The following FAM228B variants were observed in gnomAD, a reference collection of about 807,000 sequenced individuals.
FAM228B encodes protein FAM228B.
In FAM228B, 38 loss-of-function variants were observed where a neutral mutation model predicts 42.6. The ratio of observed to expected loss-of-function variants is 0.89; its 90% CI spans 0.69 to 1.17. The LOEUF (loss-of-function observed/expected upper bound fraction) is 1.17, where lower values mean the gene tolerates loss of function less well. Among genes scored for constraint, FAM228B ranks in the 50% most tolerant of loss-of-function variants. FAM228B has a pLI of 0.00. For synonymous variants in FAM228B, 109 were observed against 122.3 expected (o/e 0.89, Z 0.72); for missense variants, 344 against 367.3 (o/e 0.94, Z 0.52).
chr2:24,165,902 C>T (rs987232153), intron 9 of FAM228B: 1 of 160,320 alleles, frequency 6.2e-6, no homozygotes, highest in Admixed American at 6.0e-5. Flanking sequence ...GTTAGCCGGG[C>T]ATGGTGATGG....
intron 2 of FAM228B, among the ~76,000 whole-genome samples, chr2:24,093,059 G>A (rs1665423879): frequency 6.6e-6 from 1 of 152,088 alleles, no homozygotes; most frequent in Non-Finnish European, 1.5e-5. Flanking sequence ...CCAGGTGGTA[G>A]TCTGCACACA....
Position 24,169,341 on chromosome 2 carries a change from TG to T in FAM228B, c.*15-14del, listed in dbSNP as rs1396586914. Reference sequence around the variant, plus strand: ...CATACCACACTCAACTCTTCCCTTTTGTCACCTTCAAAAGGTTTCAGCAACC... The same window carrying T: ...CATACCACACTCAACTCTTCCCTTTTTCACCTTCAAAAGGTTTCAGCAACC... On this transcript the variant is annotated splice_polypyrimidine_tract_variant and intron_variant, in intron 10 of 10. Transcript: ENST00000615575. This position sits in a 1 kb window ranked among gnomAD's most constrained non-coding sequence, Gnocchi z 4.2. 6.4e-6 allele frequency: 3 copies of T among 467,196 alleles called. No individual in the cohort carries two copies. Among genetic ancestry groups the T allele is most frequent in the Non-Finnish European group, 1.3e-5 (3 of 223,864 alleles). The allele number at this position is 467,196 out of a possible 1,614,324, so 28.9% of individuals were successfully genotyped here. A position where few individuals can be genotyped will look rare whatever the true frequency, so the allele number is the denominator to read the frequency against.
At chr2:24,114,504 G>A (rs1665854927) in intron 3 of FAM228B, among the ~76,000 whole-genome samples, 1 of 152,162 alleles carries the variant, frequency 6.6e-6, no homozygotes, top group South Asian at 2.1e-4. Context: ...GGCCTGTGTA[G>A]AACCCTGTAG....
intron 2 of FAM228B, among the ~76,000 whole-genome samples, chr2:24,134,730 C>T (rs1428959008): frequency 2.0e-5 from 3 of 152,186 alleles, no homozygotes; most frequent in Admixed American, 6.5e-5. Context: ...GCAGGCAGAT[C>T]ACTTGAGGCC....
intron 1 of FAM228B, chr2:24,079,418 A>G (rs762277394): frequency 5.0e-6 from 8 of 1,610,696 alleles, no homozygotes; most frequent in Non-Finnish European, 6.8e-6. Context: ...GTTAAATCAC[A>G]TGTTTTCTTT....
intron 7 of FAM228B, among the ~76,000 whole-genome samples, chr2:24,153,051 G>A (rs1667058828): frequency 6.6e-6 from 1 of 152,166 alleles, no homozygotes; most frequent in Non-Finnish European, 1.5e-5. Flanking sequence ...TTCAGCTTGT[G>A]GTGAATGCTG....
intron 2 of FAM228B, chr2:24,087,272 G>A (rs1462763696): frequency 1.3e-5 from 2 of 151,934 alleles, no homozygotes; most frequent in African/African-American, 4.8e-5. Flanking sequence ...CTAGATATAC[G>A]GTCTTGCTAC....
intron 8 of FAM228B, among the ~76,000 whole-genome samples, chr2:24,163,520 A>G (rs1667330707): frequency 6.6e-6 from 1 of 152,218 alleles, no homozygotes. Flanking sequence ...AGACAAAATG[A>G]TTGATTGAAA....
chr2:24,157,688 A>G (rs1361833624), intron 7 of FAM228B, among the ~76,000 whole-genome samples: 1 of 151,356 alleles, frequency 6.6e-6, no homozygotes, highest in East Asian at 1.9e-4. Flanking sequence ...CAGTGAGCCG[A>G]GATCACACCA....
chr2:24,084,512 C>T lies in FAM228B; in HGVS notation c.-210+3557C>T. ...CCTCGCTGCCCTGGTCTGCCGCGGACCCGGCCTCCGCCCCGAGCTCCTGCC... is the reference window on the plus strand; with the variant it reads ...CCTCGCTGCCCTGGTCTGCCGCGGATCCGGCCTCCGCCCCGAGCTCCTGCC... On this transcript the variant is annotated intron_variant, in intron 2 of 10. Transcript: ENST00000613899. This position sits in a 1 kb window ranked among gnomAD's most constrained non-coding sequence, Gnocchi z 8.4. 6.4e-6 allele frequency: 5 copies of T among 780,830 alleles called. No homozygotes were observed. The highest frequency in any genetic ancestry group is 9.4e-6 in the Non-Finnish European group (5 of 533,914). The allele number at this position is 780,830 out of a possible 1,614,324, so 48.4% of individuals were successfully genotyped here.
rs61740160 is a variant in FAM228B, at chr2:24,139,432, G to A, written c.423G>A (p.Lys141=). 5.2e-6 allele frequency: 8 copies of A among 1,546,394 alleles called. No homozygotes were observed. Among genetic ancestry groups the A allele is most frequent in the Non-Finnish European group, 6.1e-6 (7 of 1,142,978 alleles). ...KEYDPFYMSK[K]DPNFLKVTIP... is the part of the protein sequence containing the mutation. ...ATGATCCCTTTTATATGAGCAAGAA[G>A]GACCCCAATTTTCTGAAGGTAGGGT... is the stretch of plus-strand genomic sequence containing the variant. The change falls in exon 5 of 11, where the codon AAG becomes AAA. Residue 141 remains lysine (K), a synonymous_variant. Coordinates refer to ENST00000615575, the MANE Select transcript of FAM228B (RefSeq NM_001145710.2).
At chr2:24,085,748 C>G (rs973899581) in intron 2 of FAM228B, 2 of 152,244 alleles carry the variant, frequency 1.3e-5, no homozygotes, top group African/African-American at 2.4e-5. Context: ...AACCTGTCTC[C>G]TCCACTGCAA....
chr2:24,106,319 T>G (rs904524714), intron 3 of FAM228B, among the ~76,000 whole-genome samples: 29 of 145,188 alleles, frequency 2.0e-4, no homozygotes, highest in Admixed American at 1.6e-3. Context: ...CAGCATTCTT[T>G]TTTTTTTTTT....
At chr2:24,123,713 G>C (rs1035217439) in intron 1 of FAM228B, among the ~76,000 whole-genome samples, 180 bp downstream of exon 1, 2 of 151,510 alleles carry the variant, frequency 1.3e-5, no homozygotes, top group African/African-American at 4.8e-5. Flanking sequence ...CAGGCCGGGC[G>C]GTCCCCGCGC....
At chr2:24,094,982 G>C (rs1054352900) in intron 2 of FAM228B, among the ~76,000 whole-genome samples, 1 of 152,152 alleles carries the variant, frequency 6.6e-6, no homozygotes, top group Non-Finnish European at 1.5e-5. Context: ...CATAGTCCTA[G>C]CTACTCCCAA....
At chr2:24,123,852 A>T (rs929150567) in intron 1 of FAM228B, among the ~76,000 whole-genome samples, 2 of 152,056 alleles carry the variant, frequency 1.3e-5, no homozygotes, top group African/African-American at 4.8e-5. Flanking sequence ...CGCCTACGAC[A>T]TCCCCGTCGC....
chr2:24,137,776 C>A, intron 3 of FAM228B, 133 bp from the exon 4 acceptor site: 2 of 610,980 alleles, frequency 3.3e-6, no homozygotes, highest in Admixed American at 3.6e-5. Flanking sequence ...GCCAAAGAAA[C>A]GATTGAATTA....
Position 24,169,017 on chromosome 2 carries a change from TA to T in FAM228B, c.*15-336del, listed in dbSNP as rs1209578663. Among the ~76,000 whole-genome samples the T allele has an allele frequency of 2.0e-5, 3 of 152,218 alleles. No homozygotes were observed. Among genetic ancestry groups the T allele is most frequent in the African/African-American group, 7.2e-5 (3 of 41,452 alleles). Reference sequence around the variant, plus strand: ...GGGAAGAAAGGAACCTAGTATTTTCTAAATCACAACAATCCAAGTGGAAATT... The same window carrying T: ...GGGAAGAAAGGAACCTAGTATTTTCTAATCACAACAATCCAAGTGGAAATT... On this transcript the variant is annotated intron_variant, in intron 10 of 10. Transcript: ENST00000615575. The surrounding 1 kb of genome is among the most constrained non-coding windows in gnomAD (Gnocchi z 4.2).
intron 10 of FAM228B, among the ~76,000 whole-genome samples, chr2:24,168,669 A>G (rs565952726): frequency 1.3e-5 from 2 of 152,300 alleles, no homozygotes; most frequent in African/African-American, 2.4e-5. Context: ...TATTTTTATC[A>G]GCGATATTGA....
Sources: gnomAD v4.1 joint callset for allele counts (sites outside exome capture counted in the v4.1 genomes callset) on GRCh38, gnomAD v4.1.1 for gene constraint, Gnocchi (gnomAD v3.1) non-coding constraint, MANE v1.5 for transcripts, NCBI Gene and HGNC (gene_info 2026-07-23, HGNC 2026-07-21) for gene names.